The following SSC5D variants were observed in gnomAD, a reference collection of about 807,000 sequenced individuals.
SSC5D encodes scavenger receptor cysteine rich family member with 5 domains.
Under a neutral mutation model 104.6 loss-of-function variants are expected in SSC5D, and 106 were observed. The observed-to-expected ratio is 1.01, with a 90% CI of 0.87 to 1.19. SSC5D has a LOEUF of 1.19. Ranked by LOEUF, SSC5D falls within the 50% of genes most tolerant of loss-of-function variation. SSC5D has a pLI of 0.00. For synonymous variants in SSC5D, 860 were observed against 883.5 expected (o/e 0.97, Z 0.47); for missense variants, 1,993 against 2,153.8 (o/e 0.93, Z 1.48).
At chr19:55,493,983 G>GGGGGA (rs1249973615) in intron 7 of SSC5D, 71 bp downstream of exon 7, 2 of 294,536 alleles carry the variant, frequency 6.8e-6, no homozygotes, top group African/African-American at 5.8e-5. Context: ...AAGTTCGGCG[G>GGGGGA]GGGCGGGGGG....
chr19:55,494,814 G>A (rs1987267578), intron 8 of SSC5D, 31 bp downstream of exon 8: 3 of 1,509,114 alleles, frequency 2.0e-6, no homozygotes, highest in East Asian at 2.5e-5. Flanking sequence ...CAAGAAAACA[G>A]GGTCCTTCCT....
chr19:55,518,583 T>C lies in SSC5D; in HGVS notation c.4307T>C (p.Val1436Ala). Residue 1436 changes from valine (V) to alanine (A), a missense_variant, in exon 14 of 14, where the codon GTG becomes GCG. By Grantham distance (64) the Val-to-Ala change is moderately conservative. Transcript: ENST00000389623. ...HTPHSASDLTVSPDPLLSPTA... is the reference protein window; with the variant it reads ...HTPHSASDLTASPDPLLSPTA... The stretch of plus-strand genomic sequence containing the variant: ...CCACACTCAGCCTCTGACCTTACTG[T>C]GTCCCCTGACCCCCTCCTTTCCCCC... 2 of 1,541,434 alleles carry C rather than the reference T, an allele frequency of 1.3e-6. No individual in the cohort carries two copies. Among genetic ancestry groups the C allele is most frequent in the South Asian group, 1.2e-5 (1 of 82,304 alleles).
intron 12 of SSC5D, 78 bp downstream of exon 12, chr19:55,501,279 C>T: frequency 1.4e-6 from 2 of 1,443,230 alleles, no homozygotes; most frequent in Non-Finnish European, 1.8e-6. Flanking sequence ...TCCAGAAAGA[C>T]CCTTCTCAAT....
At chr19:55,512,012 G>A (rs1287822418) in intron 12 of SSC5D, among the ~76,000 whole-genome samples, 1 of 152,004 alleles carries the variant, frequency 6.6e-6, no homozygotes, top group Non-Finnish European at 1.5e-5. Context: ...TCAAGCTGAT[G>A]AATTGCATGA....
rs999709050 is a variant in SSC5D, at chr19:55,512,371, A to AAG, written c.2786-639_2786-638insGA. Among the ~76,000 whole-genome samples the AAG allele has an allele frequency of 5.9e-4, 89 of 151,246 alleles. 1 individual carries two copies. Among genetic ancestry groups the AAG allele is most frequent in the African/African-American group, 2.0e-3 (83 of 41,278 alleles). On this transcript the variant is annotated intron_variant, in intron 12 of 13. Transcript: ENST00000389623. Reference sequence around the variant, plus strand: ...GAGATTAAGTGCATTTGGCCAAAAAAAAAAAAAAGGAAAAATAGTATTATA... The same window carrying AAG: ...GAGATTAAGTGCATTTGGCCAAAAAAAGAAAAAAAAGGAAAAATAGTATTATA...
In SSC5D at chr19:55,517,645, A is replaced by T. The variant is rs1987903286; in HGVS notation, c.3369A>T (p.Thr1123=). 3.2e-6 allele frequency: 5 copies of T among 1,551,500 alleles called. No individual in the cohort carries two copies. In the South Asian group the frequency reaches 5.9e-5, roughly 18 times the overall value. ...CAGAGCAGGTCCCAGAATCTGACAC[A>T]ACCCCAGATTTGGACACAACTCCAT... ...PTSEQVPESD[T]TPDLDTTPYS... The change falls in exon 14 of 14, where the codon ACA becomes ACT. Residue 1123 remains threonine, a synonymous_variant. Coordinates refer to ENST00000389623, the MANE Select transcript of SSC5D (RefSeq NM_001144950.2).
chr19:55,518,933 A>G lies in SSC5D; in HGVS notation c.4657A>G (p.Ser1553Gly). 1 of 1,550,462 alleles carries G rather than the reference A, an allele frequency of 6.4e-7. No individual in the cohort carries two copies. The highest frequency in any genetic ancestry group is 1.2e-5 in the South Asian group (1 of 84,060). The part of the protein sequence containing the change: ...KRLAEMAWTT[S>G]MPAPTTTTPE... ...ACTGGCAGAGATGGCCTGGACCACC[A>G]GCATGCCTGCACCAACCACCACTAC... Residue 1553 changes from serine (S) to glycine (G), a missense_variant, in exon 14 of 14, where the codon AGC becomes GGC. This residue lies in a region of SSC5D where 349 missense variants were observed against 397.6 expected (regional missense o/e 0.88). Coordinates refer to ENST00000389623, the MANE Select transcript of SSC5D (RefSeq NM_001144950.2).
rs939550084 is a variant in SSC5D at position 55,517,409 on chromosome 19, C to T, written c.3133C>T (p.Pro1045Ser). ...GACGTCCGAGGCGACCTCTGACGCT[C>T]CGGACACTTCACCACCCACCCCAGA... ...ALTSEATSDA[P>S]DTSPPTPDPA... The change falls in exon 14 of 14, where the codon CCG becomes TCG. Residue 1045 changes from proline to serine, a missense_variant. By Grantham distance (74) the Pro-to-Ser change is moderately conservative. Transcript: ENST00000389623. 1.4e-5 allele frequency: 21 copies of T among 1,550,874 alleles called. No homozygotes were observed. The highest frequency in any genetic ancestry group is 1.7e-5 in the Non-Finnish European group (20 of 1,146,976).
intron 9 of SSC5D, among the ~76,000 whole-genome samples, chr19:55,498,722 C>G (rs1340463912): frequency 6.6e-6 from 1 of 152,174 alleles, no homozygotes; most frequent in Admixed American, 6.5e-5. Context: ...TAGCTCACAG[C>G]TCATGTAGAG....
chr19:55,510,814 T>C (rs1338037014), intron 12 of SSC5D, among the ~76,000 whole-genome samples: 1 of 152,216 alleles, frequency 6.6e-6, no homozygotes, highest in Non-Finnish European at 1.5e-5. Flanking sequence ...AGTCTCACTC[T>C]ATGGTCCAGG....
intron 12 of SSC5D, chr19:55,504,044 G>A: frequency 7.0e-7 from 1 of 1,433,170 alleles, no homozygotes; most frequent in Admixed American, 2.1e-5. Context: ...GGAGGAAGCA[G>A]GCCCTAGAGG....
chr19:55,502,122 C>T (rs1027445294), intron 12 of SSC5D, among the ~76,000 whole-genome samples: 1 of 151,968 alleles, frequency 6.6e-6, no homozygotes, highest in African/African-American at 2.4e-5. Context: ...TGGTCTCAAA[C>T]TCCTGAGCTC....
At chr19:55,498,457 T>C (rs1987386884) in intron 9 of SSC5D, among the ~76,000 whole-genome samples, 1 of 152,238 alleles carries the variant, frequency 6.6e-6, no homozygotes, top group Admixed American at 6.5e-5. Flanking sequence ...CTGGCAGATC[T>C]GGGATTCCCA....
At chr19:55,509,583 A>G (rs1255515046) in intron 12 of SSC5D, among the ~76,000 whole-genome samples, 1 of 149,534 alleles carries the variant, frequency 6.7e-6, no homozygotes, top group Non-Finnish European at 1.5e-5. Flanking sequence ...TTTTTCCAAG[A>G]CGGAGTCTCA....
chr19:55,511,790 G>A (rs1441960553), intron 12 of SSC5D, among the ~76,000 whole-genome samples: 2 of 152,302 alleles, frequency 1.3e-5, no homozygotes, highest in South Asian at 2.1e-4. Context: ...ACTCATGGAA[G>A]GGTTTAGGGT....
chr19:55,490,315 A>G lies in SSC5D; in HGVS notation c.493A>G (p.Asn165Asp), dbSNP rs1987100981. Residue 165 changes from asparagine to aspartate, a missense_variant, in exon 5 of 14, where the codon AAC (asparagine) becomes GAC (aspartate). Physicochemically the swap from Asn to Asp is conservative, Grantham distance 23. Transcript: ENST00000389623. The part of the protein sequence containing the change: ...LVTHAPRPAG[N>D]PQNASRKKSP... ...ACTCCCAGCCCCCCGCCCAGCTGGG[A>G]ACCCCCAGAACGCCTCCCGGAAGAA... 2 of 1,334,114 alleles carry G rather than the reference A, an allele frequency of 1.5e-6. No homozygotes were observed. Among genetic ancestry groups the G allele is most frequent in the Non-Finnish European group, 1.0e-6 (1 of 958,080 alleles). 82.6% of individuals were successfully genotyped at this position (1,334,114 alleles called of 1,614,324 possible). A position where few individuals can be genotyped will look rare whatever the true frequency, so the allele number is the denominator to read the frequency against.
chr19:55,493,514 T>G, intron 6 of SSC5D, 81 bp from the exon 7 acceptor site: 1 of 1,227,924 alleles, frequency 8.1e-7, no homozygotes, highest in Non-Finnish European at 1.1e-6. Context: ...CATCTTGGGG[T>G]TGCAGCCTGC....
At chr19:55,509,994 G>T (rs1358927977) in intron 12 of SSC5D, among the ~76,000 whole-genome samples, 1 of 151,780 alleles carries the variant, frequency 6.6e-6, no homozygotes, top group Non-Finnish European at 1.5e-5. Context: ...TTCAATTTGT[G>T]TTCTTTTTTT....
At position 55,516,748 on chromosome 19, in the gene SSC5D, A is replaced by AT. The variant is rs200505093; in HGVS notation, c.2948-475dup. ...ACACAGCCAGACTTTATCTTAAAAA[A>AT]TAAAAAAATCCATAAAAGTATTTAT... On this transcript the variant is annotated intron_variant, in intron 13 of 13. Coordinates refer to ENST00000389623, the MANE Select transcript of SSC5D (RefSeq NM_001144950.2). 1.7e-3 allele frequency among the ~76,000 whole-genome samples: 255 copies of AT among 147,112 alleles called. 1 individual carries two copies. Among genetic ancestry groups the AT allele is most frequent in the African/African-American group, 6.5e-3 (247 of 38,056 alleles).
Sources: allele counts gnomAD v4.1 joint callset (sites outside exome capture counted in the v4.1 genomes callset), GRCh38; gene constraint gnomAD v4.1.1; regional missense constraint gnomAD v4.1.1; transcripts MANE v1.5; gene names NCBI Gene and HGNC (gene_info 2026-07-23, HGNC 2026-07-21).